The following KCNN3 variants were observed in gnomAD, a reference collection of about 807,000 sequenced individuals.
The protein encoded by KCNN3 is small conductance calcium-activated potassium channel protein 3.
Under a neutral mutation model 62.9 loss-of-function variants are expected in KCNN3, and 16 were observed. That is an observed-to-expected ratio of 0.25 (90% CI 0.17 to 0.39). KCNN3 has a LOEUF of 0.39. Among genes scored for constraint, KCNN3 ranks in the 10% least tolerant of loss-of-function variants. KCNN3 has a pLI of 1.00. For synonymous variants in KCNN3, 370 were observed against 389.2 expected (o/e 0.95, Z 0.58); for missense variants, 599 against 949.4 (o/e 0.63, Z 4.85).
chr1:154,725,159 T>C (rs1405597792), intron 5 of KCNN3, among the ~76,000 whole-genome samples: 1 of 152,214 alleles, frequency 6.6e-6, no homozygotes, highest in Non-Finnish European at 1.5e-5. Flanking sequence ...CAGCATAGAA[T>C]GATTCTTTAA....
At chr1:154,728,053 G>A (rs966676119) in intron 4 of KCNN3, among the ~76,000 whole-genome samples, 1 of 152,180 alleles carries the variant, frequency 6.6e-6, no homozygotes, top group Non-Finnish European at 1.5e-5. Context: ...GCCTGAAGAG[G>A]GAGCTTCCCT....
intron 1 of KCNN3, 100 bp downstream of exon 1, chr1:154,868,932 C>CTCTCAA (rs1653064150): frequency 9.7e-7 from 1 of 1,035,406 alleles, no homozygotes; most frequent in Non-Finnish European, 1.5e-6. Flanking sequence ...CTCTCTCTCT[C>CTCTCAA]TCTCAATCTC....
At chr1:154,747,908 G>T (rs545232793) in intron 3 of KCNN3, among the ~76,000 whole-genome samples, 5 of 152,102 alleles carry the variant, frequency 3.3e-5, no homozygotes. Flanking sequence ...CCCTCTGCCC[G>T]GAGGCCCCTT....
At chr1:154,831,269 C>CTTAAACCTTTGGGCTCCA (rs1417263403) in intron 1 of KCNN3, among the ~76,000 whole-genome samples, 2 of 152,170 alleles carry the variant, frequency 1.3e-5, no homozygotes, top group Non-Finnish European at 2.9e-5. Context: ...TAAATACAGA[C>CTTAAACCTTTGGGCTCCA]TTAAACCTTT....
At chr1:154,771,623 A>G (rs1648562486) in intron 3 of KCNN3, among the ~76,000 whole-genome samples, 1 of 152,262 alleles carries the variant, frequency 6.6e-6, no homozygotes, top group Admixed American at 6.5e-5. Context: ...GACTTCTCAG[A>G]GCCTTTAAAA....
intron 3 of KCNN3, among the ~76,000 whole-genome samples, chr1:154,765,158 C>T (rs1648202226): frequency 6.6e-6 from 1 of 152,208 alleles, no homozygotes; most frequent in Non-Finnish European, 1.5e-5. Context: ...CTGTCCCCCA[C>T]ATTCTAACTG....
At chr1:154,722,681 C>T (rs189895222) in intron 5 of KCNN3, among the ~76,000 whole-genome samples, 20 of 151,728 alleles carry the variant, frequency 1.3e-4, no homozygotes, top group Admixed American at 5.9e-4. Flanking sequence ...CATGAGCCAC[C>T]GCGCCCGGCC....
chr1:154,796,658 G>A (rs943808456), intron 2 of KCNN3, among the ~76,000 whole-genome samples: 3 of 152,222 alleles, frequency 2.0e-5, no homozygotes, highest in Non-Finnish European at 4.4e-5. Context: ...GATTGTGTCC[G>A]TAAAGCAGCT....
chr1:154,741,964 G>A (rs536744677), intron 3 of KCNN3, among the ~76,000 whole-genome samples: 12 of 152,352 alleles, frequency 7.9e-5, no homozygotes, highest in African/African-American at 2.6e-4. Flanking sequence ...CCAACAACAC[G>A]TACCTGGCTT....
chr1:154,817,609 C>G (rs1650721286), intron 2 of KCNN3, among the ~76,000 whole-genome samples: 1 of 152,256 alleles, frequency 6.6e-6, no homozygotes, highest in African/African-American at 2.4e-5. Flanking sequence ...CCAAGCTGGG[C>G]TGCTCTGAAG....
intron 3 of KCNN3, among the ~76,000 whole-genome samples, chr1:154,771,524 C>A (rs754830728): frequency 2.0e-5 from 3 of 152,002 alleles, no homozygotes; most frequent in Non-Finnish European, 2.9e-5. Flanking sequence ...AGCAAGGTAC[C>A]AATAGTGCTT....
intron 3 of KCNN3, among the ~76,000 whole-genome samples, chr1:154,749,893 C>A (rs1032789134): frequency 2.0e-5 from 3 of 152,172 alleles, no homozygotes; most frequent in African/African-American, 7.2e-5. Context: ...AGCAGCCTGC[C>A]CAGGGAGTGC....
intron 5 of KCNN3, among the ~76,000 whole-genome samples, chr1:154,723,158 G>A (rs979083482): frequency 3.9e-5 from 6 of 152,182 alleles, no homozygotes; most frequent in African/African-American, 1.2e-4. Flanking sequence ...GTCAAAGTCA[G>A]CTCAAACCAG....
intron 2 of KCNN3, among the ~76,000 whole-genome samples, chr1:154,815,849 G>T (rs1392723670): frequency 6.6e-6 from 1 of 152,180 alleles, no homozygotes; most frequent in Non-Finnish European, 1.5e-5. Flanking sequence ...GAGTTGTCCT[G>T]TCTGTTCTTT....
In KCNN3 at chr1:154,772,283, G is replaced by T. The variant is rs371681362; in HGVS notation, c.1140C>A (p.Gly380=). The change falls in exon 3 of 8, where the codon GGC becomes GGA. Residue 380 remains glycine (G), a synonymous_variant. Transcript: ENST00000271915. The surrounding 1 kb of genome is among the most constrained non-coding windows in gnomAD (Gnocchi z 5.6). ...GTGCCGTCCAGAAGAACTTGTACTCGCCAGGAATGGGGTGGATGGCGCACA... is the reference window on the plus strand; with the variant it reads ...GTGCCGTCCAGAAGAACTTGTACTCTCCAGGAATGGGGTGGATGGCGCACA... ...MLVCAIHPIP[G]EYKFFWTARL... 5.6e-6 allele frequency: 9 copies of T among 1,614,084 alleles called. No homozygotes were observed. The East Asian group carries it at 1.3e-4, about 24-fold the overall frequency.
At chr1:154,791,626 C>G (rs999952970) in intron 2 of KCNN3, among the ~76,000 whole-genome samples, 1 of 152,170 alleles carries the variant, frequency 6.6e-6, no homozygotes, top group Non-Finnish European at 1.5e-5. Flanking sequence ...ACCCATTCCT[C>G]AAAGGAACCT....
chr1:154,759,038 C>T (rs1338170331), intron 3 of KCNN3, among the ~76,000 whole-genome samples: 1 of 152,190 alleles, frequency 6.6e-6, no homozygotes, highest in Non-Finnish European at 1.5e-5. Flanking sequence ...GAACTCCTGA[C>T]CTCAGGTGAT....
chr1:154,747,441 C>T (rs906281), intron 3 of KCNN3, among the ~76,000 whole-genome samples: 118,659 of 152,090 alleles, frequency 0.78, 46,648 homozygotes, highest in East Asian at 0.99. Flanking sequence ...CACACTGGGG[C>T]AGACAAACAG....
chr1:154,813,477 AC>A (rs1395714698), intron 2 of KCNN3, among the ~76,000 whole-genome samples: 3 of 151,944 alleles, frequency 2.0e-5, no homozygotes, highest in Admixed American at 6.6e-5. Flanking sequence ...CAGGCGACGC[AC>A]CGCCTTCCCA....
Sources: allele counts gnomAD v4.1 joint callset (sites outside exome capture counted in the v4.1 genomes callset), GRCh38; gene constraint gnomAD v4.1.1; non-coding constraint Gnocchi (gnomAD v3.1); transcripts MANE v1.5; gene names NCBI Gene and HGNC (gene_info 2026-07-23, HGNC 2026-07-21).